SLC4A5: variants seen among roughly 807,000 people sequenced by gnomAD.
SLC4A5 encodes electrogenic sodium bicarbonate cotransporter 4.
In SLC4A5, 96 loss-of-function variants were observed where a neutral mutation model predicts 120.4. The observed-to-expected ratio is 0.80, with a 90% CI of 0.68 to 0.94. The LOEUF is 0.94. Among genes scored for constraint, SLC4A5 ranks in the 40% least tolerant of loss-of-function variants. The pLI is 0.00. For missense variants in SLC4A5, 1,259 were observed against 1,459.5 expected, an observed-to-expected ratio of 0.86 and a Z score of 2.24; for synonymous variants, 550 against 571.1, an observed-to-expected ratio of 0.96 and a Z score of 0.53.
At position 74,293,209 on chromosome 2, in the gene SLC4A5, G is replaced by A. The variant is rs556979561; in HGVS notation, c.272-7307C>T. Reference sequence around the variant, plus strand: ...TGGAGGCCCTGAGTCCTAGTTTCATGGGCAATAACATTCTTTTTCTAGAAG... The same window carrying A: ...TGGAGGCCCTGAGTCCTAGTTTCATAGGCAATAACATTCTTTTTCTAGAAG... On this transcript the variant is annotated intron_variant, in intron 7 of 30. Transcript: ENST00000394019. Among the ~76,000 whole-genome samples, 149 of 152,274 alleles carry A rather than the reference G, an allele frequency of 9.8e-4. 1 individual carries two copies. Among genetic ancestry groups the A allele is most frequent in the Non-Finnish European group, 1.4e-3 (94 of 68,024 alleles).
intron 19 of SLC4A5, among the ~76,000 whole-genome samples, chr2:74,243,786 A>C (rs1448088767): frequency 6.6e-6 from 1 of 152,270 alleles, no homozygotes; most frequent in African/African-American, 2.4e-5. Flanking sequence ...TGAATATGAA[A>C]GAAATATAAC....
At chr2:74,288,050 G>A (rs1271802150) in intron 7 of SLC4A5, among the ~76,000 whole-genome samples, 2 of 152,170 alleles carry the variant, frequency 1.3e-5, no homozygotes. Context: ...CAAAGGCAGA[G>A]GTTTCAAACT....
intron 14 of SLC4A5, among the ~76,000 whole-genome samples, chr2:74,253,752 T>C (rs1194201489): frequency 6.6e-6 from 1 of 152,200 alleles, no homozygotes; most frequent in Admixed American, 6.5e-5. Context: ...AGAACTAACA[T>C]TGGAATCATT....
At chr2:74,261,769 A>C (rs1671144098) in intron 11 of SLC4A5, among the ~76,000 whole-genome samples, 1 of 152,230 alleles carries the variant, frequency 6.6e-6, no homozygotes, top group Non-Finnish European at 1.5e-5. Context: ...ACTGAAGGAA[A>C]GGACCTTGCC....
At chr2:74,307,655 C>A in intron 6 of SLC4A5, 1 of 1,008,868 alleles carries the variant, frequency 9.9e-7, no homozygotes. Flanking sequence ...CCTGGGGTCC[C>A]TTCTTCTCCA....
intron 9 of SLC4A5, 89 bp downstream of exon 9, chr2:74,265,015 C>T: frequency 1.4e-6 from 2 of 1,442,478 alleles, no homozygotes; most frequent in Non-Finnish European, 1.9e-6. Flanking sequence ...CGGGCCGTCA[C>T]ACAGACTTGA....
chr2:74,335,125 C>A (rs1256106166), intron 3 of SLC4A5, among the ~76,000 whole-genome samples: 1 of 152,230 alleles, frequency 6.6e-6, no homozygotes, highest in Non-Finnish European at 1.5e-5. Context: ...TAGCTGCTAT[C>A]ATTCCCATTT....
chr2:74,296,210 T>C (rs1672318620), intron 7 of SLC4A5, among the ~76,000 whole-genome samples: 2 of 152,088 alleles, frequency 1.3e-5, no homozygotes, highest in Non-Finnish European at 2.9e-5. Flanking sequence ...GGGGCGATCT[T>C]GGTTTTAAGG....
chr2:74,282,549 C>T (rs923664343), intron 8 of SLC4A5, among the ~76,000 whole-genome samples: 1 of 152,218 alleles, frequency 6.6e-6, no homozygotes, highest in African/African-American at 2.4e-5. Flanking sequence ...CTGCCAGACC[C>T]CTTTATGTTT....
At chr2:74,282,705 G>A (rs1015589660) in intron 8 of SLC4A5, among the ~76,000 whole-genome samples, 1 of 152,202 alleles carries the variant, frequency 6.6e-6, no homozygotes, top group Non-Finnish European at 1.5e-5. Context: ...GGTCTCTGGG[G>A]GCCATAAGGC....
intron 19 of SLC4A5, among the ~76,000 whole-genome samples, chr2:74,243,102 C>T (rs574433552): frequency 1.3e-5 from 2 of 152,342 alleles, no homozygotes; most frequent in African/African-American, 2.4e-5. Flanking sequence ...CTGCTCTCAG[C>T]GGCTCTCTCT....
At chr2:74,252,812 TC>T (rs1321464466) in intron 15 of SLC4A5, among the ~76,000 whole-genome samples, 161 bp downstream of exon 15, 2 of 152,230 alleles carry the variant, frequency 1.3e-5, no homozygotes, top group African/African-American at 4.8e-5. Flanking sequence ...GGTTTCAAAC[TC>T]CTGGGCTCAA....
chr2:74,328,206 G>A lies in SLC4A5; in HGVS notation c.-69-20C>T. 1 of 985,584 alleles carries A rather than the reference G, an allele frequency of 1.0e-6. No individual in the cohort carries two copies. The highest frequency in any genetic ancestry group is 1.7e-5 in the African/African-American group (1 of 57,330). The allele number at this position is 985,584 out of a possible 1,614,324, so 61.1% of individuals were successfully genotyped here. A position where few individuals can be genotyped will look rare whatever the true frequency, so the allele number is the denominator to read the frequency against. On this transcript the variant is annotated intron_variant, in intron 4 of 30. Coordinates refer to ENST00000394019, the Ensembl canonical transcript of SLC4A5. ...CTGTTCCTGTTGGGTGGCAAGAAGG[G>A]CTCTCTGTGGTTTCCAGGCTGAACA...
chr2:74,216,831 C>T (rs1694459534), exon 31 of SLC4A5: 2 of 152,266 alleles, frequency 1.3e-5, no homozygotes, highest in African/African-American at 4.8e-5. Flanking sequence ...CTGGTCTTGA[C>T]CTCCTGACCT....
rs551217267 is a variant in SLC4A5 at position 74,314,820 on chromosome 2, C to T, written c.79+125G>A. The T allele has an allele frequency of 1.5e-4, 128 of 834,244 alleles. 1 individual carries two copies. Among genetic ancestry groups the T allele is most frequent in the Admixed American group, 5.4e-4 (29 of 54,130 alleles). 51.7% of individuals were successfully genotyped at this position (834,244 alleles called of 1,614,324 possible). A position where few individuals can be genotyped will look rare whatever the true frequency, so the allele number is the denominator to read the frequency against. ...TGGTCCCACCAGCCTCAAGGAGACACTGTGGATGAGTCAGGAAAAGGGACC... is the reference window on the plus strand; with the variant it reads ...TGGTCCCACCAGCCTCAAGGAGACATTGTGGATGAGTCAGGAAAAGGGACC... On this transcript the variant is annotated intron_variant, in intron 6 of 30. Transcript: ENST00000394019.
intron 11 of SLC4A5, 44 bp downstream of exon 11, chr2:74,262,093 C>G: frequency 6.4e-7 from 1 of 1,574,544 alleles, no homozygotes. Context: ...ACAGCTGCCA[C>G]AGCCTGAATA....
intron 5 of SLC4A5, among the ~76,000 whole-genome samples, chr2:74,315,863 A>G (rs1672951789): frequency 6.6e-6 from 1 of 152,070 alleles, no homozygotes; most frequent in Non-Finnish European, 1.5e-5. Flanking sequence ...AGGACTGAAA[A>G]AGGGACATAA....
chr2:74,304,680 T>C lies in SLC4A5; in HGVS notation c.80A>G (p.Glu27Gly), dbSNP rs748341994. 27 of 1,611,042 alleles carry C rather than the reference T, an allele frequency of 1.7e-5. No individual in the cohort carries two copies. The highest frequency in any genetic ancestry group is 2.3e-5 in the Non-Finnish European group (27 of 1,178,458). ...AAGCCCAATGTGGATAGGAGGGCAT[T>C]CTGTGGACACGGCACAAAAGACAGG... The change falls in exon 7 of 31, where the codon GAA becomes GGA. Residue 27 changes from glutamate to glycine, a missense_variant and splice_region_variant. Coordinates refer to ENST00000394019, the Ensembl canonical transcript of SLC4A5.
chr2:74,304,566 T>A, exon 7 of SLC4A5: 1 of 1,614,200 alleles, frequency 6.2e-7, no homozygotes, highest in South Asian at 1.1e-5. Flanking sequence ...CTGCTGTGGC[T>A]GGTCTGGCCG....
Sources: gnomAD v4.1 joint callset for allele counts (sites outside exome capture counted in the v4.1 genomes callset) on GRCh38, gnomAD v4.1.1 for gene constraint, MANE v1.5 for transcripts, NCBI Gene and HGNC (gene_info 2026-07-23, HGNC 2026-07-21) for gene names.